RPS6KA2: variants seen among roughly 807,000 people sequenced by gnomAD.
RPS6KA2 encodes ribosomal protein S6 kinase A2.
RPS6KA2 carries 42 observed loss-of-function variants against 91.8 expected under a neutral mutation model. That is an observed-to-expected ratio of 0.46 (90% confidence interval 0.36 to 0.59). RPS6KA2 has a LOEUF of 0.59. RPS6KA2 is among the 20% of genes least tolerant of loss of function. RPS6KA2 has a pLI of 0.00. For synonymous variants in RPS6KA2, 414 were observed against 393.6 expected, an observed-to-expected ratio of 1.05 and a Z score of -0.61; for missense variants, 798 against 978.5, an observed-to-expected ratio of 0.82 and a Z score of 2.46.
intron 19 of RPS6KA2, among the ~76,000 whole-genome samples, chr6:166,414,682 A>AGGAAGATC (rs1778436883): frequency 6.6e-6 from 1 of 152,262 alleles, no homozygotes; most frequent in African/African-American, 2.4e-5. Context: ...TTACTGCCTG[A>AGGAAGATC]GGAAGATCCA....
At position 166,445,769 on chromosome 6, in the gene RPS6KA2, C is replaced by T. The variant is rs1583143959; in HGVS notation, c.1332+2955G>A. On this transcript the variant is annotated intron_variant, in intron 14 of 20. Coordinates refer to ENST00000265678, the MANE Select transcript of RPS6KA2 (RefSeq NM_021135.6). This position sits in a 1 kb window ranked among gnomAD's most constrained non-coding sequence, Gnocchi z 4.5. Reference sequence around the variant, plus strand: ...ACGGGACTGCTTCTGAAGCAGACCCCGTTTGTATCCATGAGCCAGGGGTAG... The same window carrying T: ...ACGGGACTGCTTCTGAAGCAGACCCTGTTTGTATCCATGAGCCAGGGGTAG... Among the ~76,000 whole-genome samples, 2 of 152,176 alleles carry T rather than the reference C, an allele frequency of 1.3e-5. No homozygotes were observed. The highest frequency in any genetic ancestry group is 4.8e-5 in the African/African-American group (2 of 41,424).
intron 2 of RPS6KA2, among the ~76,000 whole-genome samples, chr6:166,637,487 G>A (rs1391967817): frequency 3.3e-5 from 5 of 152,234 alleles, no homozygotes; most frequent in African/African-American, 1.2e-4. Flanking sequence ...GGTCGGGGGA[G>A]AGGGTGGTAG....
chr6:166,547,204 C>A (rs1783855386), intron 1 of RPS6KA2, among the ~76,000 whole-genome samples: 1 of 152,196 alleles, frequency 6.6e-6, no homozygotes, highest in Admixed American at 6.5e-5. Flanking sequence ...GCGTCCTCCT[C>A]TCCAGCAGCT....
chr6:166,724,084 T>C (rs1790267494), intron 2 of RPS6KA2, among the ~76,000 whole-genome samples: 1 of 152,216 alleles, frequency 6.6e-6, no homozygotes, highest in African/African-American at 2.4e-5. Context: ...AGGGTGTGGA[T>C]TTCTCTCTTT....
chr6:166,412,753 T>TC lies in RPS6KA2; in HGVS notation c.*8dup, dbSNP rs148799385. ...CTGGCAGGGGACGCTGGGGCCAGGG[T>TC]CCCACCCGCTACAGCCGCGTGGACG... is the stretch of plus-strand genomic sequence containing the variant. On this transcript the variant is annotated 3_prime_UTR_variant, in exon 21 of 21. Coordinates refer to ENST00000265678, the MANE Select transcript of RPS6KA2 (RefSeq NM_021135.6). This position sits in a 1 kb window ranked among gnomAD's most constrained non-coding sequence, Gnocchi z 4.3. The TC allele has an allele frequency of 1.9e-6, 3 of 1,587,668 alleles. No homozygotes were observed. Among genetic ancestry groups the TC allele is most frequent in the Non-Finnish European group, 2.6e-6 (3 of 1,169,558 alleles).
At position 166,538,585 on chromosome 6, in the gene RPS6KA2, G is replaced by A; in HGVS notation, c.216+83C>T. The A allele has an allele frequency of 6.4e-6, 5 of 780,768 alleles. No homozygotes were observed. In the South Asian group the frequency reaches 7.7e-5, roughly 12 times the overall value. The allele number at this position is 780,768 out of a possible 1,614,324, so 48.4% of individuals were successfully genotyped here. ...GCAGCCCTGCAGGTGAGGACCGCCT[G>A]CAATTTTCATCCAGGGGGGCTCTGT... On this transcript the variant is annotated intron_variant, in intron 2 of 20. Transcript: ENST00000265678.
chr6:166,839,714 A>AGAGGC (rs1780417777), intron 2 of RPS6KA2, among the ~76,000 whole-genome samples: 8 of 39,368 alleles, frequency 2.0e-4, no homozygotes, highest in African/African-American at 8.7e-4. Context: ...AGAGGAGAGG[A>AGAGGC]GAGGCGGCAC....
chr6:166,531,904 T>G (rs1166370416), intron 2 of RPS6KA2, among the ~76,000 whole-genome samples: 1 of 152,130 alleles, frequency 6.6e-6, no homozygotes, highest in East Asian at 1.9e-4. Context: ...AAAAGGTAAT[T>G]GAGAGCTTGA....
At chr6:166,757,008 G>A (rs1348256370) in intron 2 of RPS6KA2, among the ~76,000 whole-genome samples, 2 of 152,088 alleles carry the variant, frequency 1.3e-5, no homozygotes, top group Non-Finnish European at 2.9e-5. Flanking sequence ...TATACTTAAT[G>A]CCGCTGAACT....
intron 3 of RPS6KA2, among the ~76,000 whole-genome samples, chr6:166,518,251 C>A (rs1239972487): frequency 0.017 from 1,437 of 86,748 alleles, no homozygotes; most frequent in Middle Eastern, 0.018. Context: ...AACACTGCCT[C>A]AAAAAAAAAA....
chr6:166,491,671 G>A (rs1781591427), intron 8 of RPS6KA2, among the ~76,000 whole-genome samples: 1 of 152,072 alleles, frequency 6.6e-6, no homozygotes, highest in Non-Finnish European at 1.5e-5. Context: ...GTGTGTCTCT[G>A]CCCTTTTAGA....
Position 166,538,713 on chromosome 6 carries a change from G to T in RPS6KA2, c.171C>A (p.Ser57=). 1 of 1,611,920 alleles carries T rather than the reference G, an allele frequency of 6.2e-7. No homozygotes were observed. Among genetic ancestry groups the T allele is most frequent in the Non-Finnish European group, 8.5e-7 (1 of 1,178,172 alleles). The change falls in exon 2 of 21, where the codon TCC becomes TCA. Residue 57 remains serine (S), a synonymous_variant. Coordinates refer to ENST00000265678, the MANE Select transcript of RPS6KA2 (RefSeq NM_021135.6). The part of the protein sequence containing the change: ...VKEGFEKADP[S]QFELLKVLGQ... ...CTAAAACCTTCAGCAGCTCAAACTGGGAAGGATCTGCCTTCTCAAAGCCCT... is the reference window on the plus strand; with the variant it reads ...CTAAAACCTTCAGCAGCTCAAACTGTGAAGGATCTGCCTTCTCAAAGCCCT...
At chr6:166,465,109 T>C (rs1266856877) in intron 11 of RPS6KA2, among the ~76,000 whole-genome samples, 5 of 151,148 alleles carry the variant, frequency 3.3e-5, no homozygotes, top group Non-Finnish European at 4.4e-5. Flanking sequence ...AGGCAAGCCA[T>C]TGGGTGAAGT....
chr6:166,640,987 A>G (rs917593525), intron 2 of RPS6KA2, among the ~76,000 whole-genome samples: 6 of 152,314 alleles, frequency 3.9e-5, no homozygotes, highest in Non-Finnish European at 5.9e-5. Flanking sequence ...GCCAGTTGGA[A>G]GCCAAAATCC....
intron 2 of RPS6KA2, among the ~76,000 whole-genome samples, chr6:166,851,330 C>T (rs1003620291): frequency 6.6e-6 from 1 of 152,218 alleles, no homozygotes; most frequent in Non-Finnish European, 1.5e-5. Context: ...GCACACTAGA[C>T]ACAGAGAAAA....
chr6:166,449,843 A>T (rs62438438), intron 13 of RPS6KA2, among the ~76,000 whole-genome samples: 12 of 83,032 alleles, frequency 1.4e-4, no homozygotes, highest in African/African-American at 4.0e-4. Flanking sequence ...ACCACGGGAC[A>T]ACCACGAGGA....
chr6:166,707,724 A>T (rs761018179), intron 2 of RPS6KA2, among the ~76,000 whole-genome samples: 8 of 151,972 alleles, frequency 5.3e-5, no homozygotes, highest in Non-Finnish European at 7.4e-5. Context: ...TCAGAGAGTA[A>T]TCTTTCTTTC....
chr6:166,858,233 A>C, exon 2 of RPS6KA2: 1 of 1,539,504 alleles, frequency 6.5e-7, no homozygotes, highest in Non-Finnish European at 9.0e-7. Flanking sequence ...TGGGCTCCAC[A>C]TCCAGGTTGA....
intron 1 of RPS6KA2, among the ~76,000 whole-genome samples, chr6:166,624,352 C>T (rs1786753251): frequency 6.6e-6 from 1 of 152,220 alleles, no homozygotes. Flanking sequence ...AGAGGAAATA[C>T]ACATCTGTGT....
Sources: gnomAD v4.1 joint callset for allele counts (sites outside exome capture counted in the v4.1 genomes callset) on GRCh38, gnomAD v4.1.1 for gene constraint, Gnocchi (gnomAD v3.1) non-coding constraint, MANE v1.5 for transcripts, NCBI Gene and HGNC (gene_info 2026-07-23, HGNC 2026-07-21) for gene names.